Variants in NPAS2 observed in about 807,000 individuals in gnomAD.
NPAS2 encodes the protein neuronal PAS domain-containing protein 2.
A neutral mutation model predicts 107.5 loss-of-function variants in NPAS2; 23 were observed. That is an observed-to-expected ratio of 0.21 (90% CI 0.15 to 0.30). The LOEUF is 0.30. NPAS2 is among the 10% of genes least tolerant of loss of function. The probability of loss-of-function intolerance (pLI) is 1.00; values close to 1 mark genes in which losing one functional copy is unlikely to be tolerated. For missense variants in NPAS2, 756 were observed against 1,043.3 expected (o/e 0.72, Z 3.79); for synonymous variants, 403 against 417.5 (o/e 0.97, Z 0.42).
chr2:100,952,513 A>G (rs561649389), intron 7 of NPAS2, among the ~76,000 whole-genome samples: 222 of 152,256 alleles, frequency 1.5e-3, no homozygotes, highest in African/African-American at 4.9e-3. Flanking sequence ...GCAGTAAGCC[A>G]AGATTGCACC....
chr2:100,857,028 G>A (rs1361042793), intron 1 of NPAS2, among the ~76,000 whole-genome samples: 3 of 152,136 alleles, frequency 2.0e-5, no homozygotes, highest in Admixed American at 6.5e-5. Context: ...ATTCCTGGCC[G>A]GGCACAGTGG....
intron 12 of NPAS2, among the ~76,000 whole-genome samples, chr2:100,973,914 T>G (rs1476368504): frequency 6.6e-6 from 1 of 152,232 alleles, no homozygotes; most frequent in Non-Finnish European, 1.5e-5. Context: ...TGATCTCAGC[T>G]CACTGCAACC....
intron 7 of NPAS2, among the ~76,000 whole-genome samples, chr2:100,956,196 C>T (rs1032021513): frequency 1.3e-5 from 2 of 152,150 alleles, no homozygotes; most frequent in African/African-American, 2.4e-5. Flanking sequence ...ACAAGCCACG[C>T]ACCCGGCTTA....
At chr2:100,824,932 G>C (rs972670262) in intron 1 of NPAS2, among the ~76,000 whole-genome samples, 2 of 152,208 alleles carry the variant, frequency 1.3e-5, no homozygotes, top group Admixed American at 6.5e-5. Flanking sequence ...GCCAAGGCAG[G>C]CCTGGGTGAG....
At chr2:100,934,729 C>T (rs752929243) in intron 4 of NPAS2, 13 of 952,528 alleles carry the variant, frequency 1.4e-5, no homozygotes, top group Admixed American at 6.2e-5. Flanking sequence ...AGCATCTCCT[C>T]CCTGGTGGCC....
chr2:100,848,275 G>A (rs542932619), intron 1 of NPAS2, among the ~76,000 whole-genome samples: 1 of 152,252 alleles, frequency 6.6e-6, no homozygotes, highest in South Asian at 2.1e-4. Context: ...TTTTCCCATT[G>A]GCCCAGTTTT....
intron 1 of NPAS2, chr2:100,847,131 T>C (rs1677823886): frequency 6.6e-6 from 1 of 152,224 alleles, no homozygotes; most frequent in Non-Finnish European, 1.5e-5. Flanking sequence ...CTGTTGGTGA[T>C]ATTGTTGGGA....
At chr2:100,825,856 T>G (rs1023142051) in intron 1 of NPAS2, among the ~76,000 whole-genome samples, 8 of 152,108 alleles carry the variant, frequency 5.3e-5, no homozygotes, top group African/African-American at 1.7e-4. Context: ...CCAGAGGGGC[T>G]GGGCCAGGTC....
At chr2:100,854,158 CAAAAAAAAAAAAAAA>C (rs70943046) in intron 1 of NPAS2, among the ~76,000 whole-genome samples, 1 of 59,600 alleles carries the variant, frequency 1.7e-5, no homozygotes, top group Non-Finnish European at 3.0e-5. Flanking sequence ...CCTGCCTCAA[CAAAAAAAAAAAAAAA>C]AAAAAAAAAA....
At chr2:100,972,326 G>C (rs1257526124) in intron 12 of NPAS2, among the ~76,000 whole-genome samples, 2 of 152,180 alleles carry the variant, frequency 1.3e-5, no homozygotes, top group Non-Finnish European at 2.9e-5. Flanking sequence ...ATCAACGGAA[G>C]GACACGTCTT....
chr2:100,843,723 G>A (rs12467353), intron 1 of NPAS2, among the ~76,000 whole-genome samples: 69 of 152,190 alleles, frequency 4.5e-4, no homozygotes, highest in Admixed American at 4.4e-3. Context: ...TTTATCTTAA[G>A]GAAGTAGATG....
At position 100,971,038 on chromosome 2, in the gene NPAS2, C is replaced by A. The variant is rs775051778; in HGVS notation, c.1104C>A (p.Asp368Glu). ...GGAGGCAGGAGCTGGCTCTGGAAGA[C>A]CCGCCATCCGAGGCCCTCCACTCCT... ...VERRQELALEDPPSEALHSSA... is the reference protein window; with the variant it reads ...VERRQELALEEPPSEALHSSA... Residue 368 changes from aspartate (D) to glutamate (E), a missense_variant, in exon 12 of 21, where the codon GAC (aspartate) becomes GAA (glutamate). Physicochemically the swap from Asp to Glu is conservative, Grantham distance 45 (BLOSUM62 2). This residue lies in a region of NPAS2 where 496 missense variants were observed against 594.4 expected (regional missense o/e 0.83). Coordinates refer to ENST00000335681, the MANE Select transcript of NPAS2 (RefSeq NM_002518.4). The A allele has an allele frequency of 6.2e-7, 1 of 1,614,158 alleles. No individual in the cohort carries two copies. Among genetic ancestry groups the A allele is most frequent in the Non-Finnish European group, 8.5e-7 (1 of 1,180,026 alleles).
chr2:100,945,785 G>T (rs1422525210), intron 5 of NPAS2, among the ~76,000 whole-genome samples: 1 of 152,136 alleles, frequency 6.6e-6, no homozygotes, highest in Non-Finnish European at 1.5e-5. Context: ...TTGTCCCCTG[G>T]CTCCCACTCA....
In NPAS2 at chr2:100,873,325, C is replaced by T. The variant is rs1431774014; in HGVS notation, c.-22-31408C>T. The stretch of plus-strand genomic sequence containing the variant: ...ATATATATACACACACACACACACA[C>T]ACACACACACACACACATATATACA... On this transcript the variant is annotated intron_variant, in intron 1 of 20. Coordinates refer to ENST00000335681, the MANE Select transcript of NPAS2 (RefSeq NM_002518.4). Among the ~76,000 whole-genome samples, 509 of 131,878 alleles carry T rather than the reference C, an allele frequency of 3.9e-3. 4 individuals carry two copies. Among genetic ancestry groups the T allele is most frequent in the African/African-American group, 0.015 (480 of 32,200 alleles). The allele number at this position is 131,878 out of a possible 152,430, so 86.5% of individuals were successfully genotyped here.
chr2:100,855,513 G>C (rs1444666246), intron 1 of NPAS2, among the ~76,000 whole-genome samples: 2 of 152,350 alleles, frequency 1.3e-5, no homozygotes, highest in Non-Finnish European at 2.9e-5. Context: ...TTGCTTGTCT[G>C]TGTTCTTACA....
At chr2:100,873,911 GAA>G (rs34830509) in intron 1 of NPAS2, among the ~76,000 whole-genome samples, 7,804 of 152,130 alleles carry the variant, frequency 0.051, 658 homozygotes, top group African/African-American at 0.18. Flanking sequence ...TGGTCAACCT[GAA>G]AAATAAGAGG....
At chr2:100,961,829 G>A (rs745751490) in intron 7 of NPAS2, among the ~76,000 whole-genome samples, 15 of 152,186 alleles carry the variant, frequency 9.9e-5, no homozygotes, top group Admixed American at 4.6e-4. Flanking sequence ...ATGTTGCATC[G>A]TTTAGAGATA....
chr2:100,896,071 T>G (rs1030779236), intron 1 of NPAS2, among the ~76,000 whole-genome samples: 39 of 152,182 alleles, frequency 2.6e-4, no homozygotes, highest in Admixed American at 5.9e-4. Flanking sequence ...GGGGCAGGTG[T>G]GCAATGAATG....
intron 1 of NPAS2, among the ~76,000 whole-genome samples, chr2:100,891,148 C>T (rs1008569357): frequency 2.0e-4 from 31 of 151,324 alleles, no homozygotes; most frequent in Admixed American, 9.2e-4. Flanking sequence ...AGGAGAATGG[C>T]GTGAACCCGG....
Sources: allele counts gnomAD v4.1 joint callset (sites outside exome capture counted in the v4.1 genomes callset), GRCh38; gene constraint gnomAD v4.1.1; regional missense constraint gnomAD v4.1.1; transcripts MANE v1.5; gene names NCBI Gene and HGNC (gene_info 2026-07-23, HGNC 2026-07-21).